Variants in FOCAD observed in about 807,000 individuals in gnomAD.
The protein encoded by FOCAD is focadhesin.
A neutral mutation model predicts 225.6 loss-of-function variants in FOCAD; 198 were observed. The observed-to-expected ratio is 0.88, with a 90% CI of 0.78 to 0.99. FOCAD has a LOEUF of 0.99. Ranked by LOEUF, FOCAD falls within the 50% of genes least tolerant of loss-of-function variation. The probability of loss-of-function intolerance (pLI) is 0.00; values close to 1 mark genes in which losing one functional copy is unlikely to be tolerated. For synonymous variants in FOCAD, 897 were observed against 755.0 expected (o/e 1.19, Z -3.08); for missense variants, 2,713 against 2,123.6 (o/e 1.28, Z -5.46).
At chr9:20,800,479 G>T (rs547954486) in intron 11 of FOCAD, among the ~76,000 whole-genome samples, 2 of 152,034 alleles carry the variant, frequency 1.3e-5, no homozygotes, top group Non-Finnish European at 2.9e-5. Flanking sequence ...TCACTTTCAG[G>T]TACACCAATC....
intron 21 of FOCAD, 22 bp downstream of exon 21, chr9:20,885,252 T>C: frequency 7.0e-7 from 1 of 1,432,178 alleles, no homozygotes; most frequent in Admixed American, 2.6e-5. Context: ...TGTCCTCTTC[T>C]TTATGTTTTA....
chr9:20,967,321 C>T (rs1240737972), intron 35 of FOCAD, among the ~76,000 whole-genome samples: 1 of 151,998 alleles, frequency 6.6e-6, no homozygotes, highest in Non-Finnish European at 1.5e-5. Flanking sequence ...TCAGATTATT[C>T]ACTGCCAGAA....
intron 8 of FOCAD, among the ~76,000 whole-genome samples, chr9:20,775,085 T>C (rs1008530771): frequency 6.6e-6 from 1 of 152,232 alleles, no homozygotes; most frequent in Admixed American, 6.5e-5. Flanking sequence ...GATGTCTTGT[T>C]CAAATATTAT....
chr9:20,698,629 C>T (rs966088561), intron 1 of FOCAD, among the ~76,000 whole-genome samples: 3 of 152,024 alleles, frequency 2.0e-5, no homozygotes, highest in Non-Finnish European at 4.4e-5. Flanking sequence ...TGAAATCAGC[C>T]TCCCAAAGTG....
chr9:20,951,763 G>C (rs1837708324), intron 34 of FOCAD, among the ~76,000 whole-genome samples: 1 of 152,142 alleles, frequency 6.6e-6, no homozygotes, highest in Non-Finnish European at 1.5e-5. Context: ...ATTTGTACTT[G>C]GAGATTTTCT....
intron 11 of FOCAD, among the ~76,000 whole-genome samples, chr9:20,813,183 A>G (rs1341100719): frequency 6.6e-6 from 1 of 152,156 alleles, no homozygotes; most frequent in African/African-American, 2.4e-5. Flanking sequence ...GTTGTAGTAT[A>G]TGATAGAATT....
At chr9:20,867,150 T>G in intron 18 of FOCAD, 138 bp downstream of exon 18, 1 of 543,490 alleles carries the variant, frequency 1.8e-6, no homozygotes, top group Non-Finnish European at 3.2e-6. Flanking sequence ...TACAAATTCA[T>G]ACCCATTATT....
intron 21 of FOCAD, among the ~76,000 whole-genome samples, chr9:20,887,583 A>G (rs1301274241): frequency 6.6e-6 from 1 of 152,172 alleles, no homozygotes; most frequent in Non-Finnish European, 1.5e-5. Flanking sequence ...TTAATTCACC[A>G]GTTGATGGAC....
chr9:20,827,177 C>T (rs554968026), intron 15 of FOCAD, among the ~76,000 whole-genome samples: 8 of 151,970 alleles, frequency 5.3e-5, no homozygotes, highest in African/African-American at 9.7e-5. Flanking sequence ...AACTCCATAC[C>T]GTTTAGATGT....
At chr9:20,895,641 C>T (rs898723818) in intron 21 of FOCAD, among the ~76,000 whole-genome samples, 9 of 151,294 alleles carry the variant, frequency 5.9e-5, no homozygotes, top group African/African-American at 9.7e-5. Flanking sequence ...TTAATGTAAA[C>T]GCTATTGTGT....
intron 2 of FOCAD, among the ~76,000 whole-genome samples, chr9:20,661,817 A>G (rs1821736125): frequency 6.6e-6 from 1 of 152,228 alleles, no homozygotes; most frequent in African/African-American, 2.4e-5. Flanking sequence ...CTACAGATAT[A>G]CTTAGGCAGG....
At chr9:20,715,205 T>C in intron 1 of FOCAD, 117 bp from the exon 2 acceptor site, 1 of 407,682 alleles carries the variant, frequency 2.5e-6, no homozygotes, top group Non-Finnish European at 4.3e-6. Flanking sequence ...CCCTGTGCTT[T>C]ATTTCCATTG....
intron 39 of FOCAD, among the ~76,000 whole-genome samples, chr9:20,983,783 GATA>G (rs1159426178): frequency 1.3e-5 from 2 of 152,040 alleles, no homozygotes; most frequent in Non-Finnish European, 2.9e-5. Context: ...GTAAAGGAGA[GATA>G]ATAACACCTA....
At chr9:20,710,937 T>C (rs1364410788) in intron 1 of FOCAD, among the ~76,000 whole-genome samples, 5 of 152,234 alleles carry the variant, frequency 3.3e-5, no homozygotes, top group Non-Finnish European at 5.9e-5. Context: ...CACTTCTTTT[T>C]GTAAATAAAG....
intron 1 of FOCAD, among the ~76,000 whole-genome samples, chr9:20,693,123 A>G (rs905022272): frequency 6.6e-6 from 1 of 152,180 alleles, no homozygotes; most frequent in Non-Finnish European, 1.5e-5. Flanking sequence ...GAGGCTTGCC[A>G]TGATCTGACC....
chr9:20,983,278 T>G (rs1587783239), intron 39 of FOCAD, among the ~76,000 whole-genome samples: 1 of 152,192 alleles, frequency 6.6e-6, no homozygotes, highest in East Asian at 1.9e-4. Flanking sequence ...AAACCACTGT[T>G]AAAGAATATT....
At position 20,927,353 on chromosome 9, in the gene FOCAD, T is replaced by C. The variant is rs1295968285; in HGVS notation, c.3078+936T>C. 3.3e-5 allele frequency among the ~76,000 whole-genome samples: 5 copies of C among 152,340 alleles called. No homozygotes were observed. In the East Asian group the frequency reaches 9.6e-4, roughly 29 times the overall value. On this transcript the variant is annotated intron_variant, in intron 26 of 43. Transcript: ENST00000338382. ...GCCCTTGCTCCCCACTTCTTGTTTT[T>C]GTGACTGTTGACACTTACTTCATCA...
chr9:20,788,795 T>G (rs975382629), intron 10 of FOCAD, among the ~76,000 whole-genome samples: 6 of 152,248 alleles, frequency 3.9e-5, no homozygotes, highest in African/African-American at 1.4e-4. Flanking sequence ...TGGGTATTGT[T>G]TCAGCTTAGA....
chr9:20,661,792 TTC>T (rs1821734884), intron 2 of FOCAD, among the ~76,000 whole-genome samples: 1 of 152,220 alleles, frequency 6.6e-6, no homozygotes, highest in Non-Finnish European at 1.5e-5. Flanking sequence ...GAAATTCTAC[TTC>T]TGTCACTTTA....
Sources: allele counts gnomAD v4.1 joint callset (sites outside exome capture counted in the v4.1 genomes callset), GRCh38; gene constraint gnomAD v4.1.1; transcripts MANE v1.5; gene names NCBI Gene and HGNC (gene_info 2026-07-23, HGNC 2026-07-21).